Variants in SPCS3 observed in about 807,000 individuals in gnomAD.
The protein encoded by SPCS3 is SPase 22 kDa subunit.
In SPCS3, 9 loss-of-function variants were observed where a neutral mutation model predicts 17.2. The ratio of observed to expected loss-of-function variants is 0.52; its 90% CI spans 0.31 to 0.91. The LOEUF (loss-of-function observed/expected upper bound fraction) is 0.91. Ranked by LOEUF, SPCS3 falls within the 40% of genes least tolerant of loss-of-function variation. The pLI is 0.04. For synonymous variants in SPCS3, 87 were observed against 89.6 expected (o/e 0.97, Z 0.16); for missense variants, 139 against 217.5 (o/e 0.64, Z 2.27).
rs1009258825 is a variant in SPCS3 at position 176,329,601 on chromosome 4, T to C, written c.*1271T>C. 6.6e-6 allele frequency: 1 copy of C among 152,184 alleles called. No individual in the cohort carries two copies. The highest frequency in any genetic ancestry group is 1.5e-5 in the Non-Finnish European group (1 of 68,002). The allele number at this position is 152,184 out of a possible 1,614,324, so 9.4% of individuals were successfully genotyped here. ...TCTCTGAATAAATTCATTTCACTTA[T>C]ATTAAAAGCATAAGGAAATCTACAT... On this transcript the variant is annotated 3_prime_UTR_variant, in exon 5 of 5. Coordinates refer to ENST00000503362, the MANE Select transcript of SPCS3 (RefSeq NM_021928.4).
At position 176,328,327 on chromosome 4, in the gene SPCS3, T is replaced by A; in HGVS notation, c.540T>A (p.Tyr180Ter). Reference protein sequence around the residue: ...FPDTYEITKSY With the variant: ...FPDTYEITKS Reference sequence around the variant, plus strand: ...ATACATATGAAATAACGAAGAGTTATTAAATTATTCTGAATTTGAAACAAC... The same window carrying A: ...ATACATATGAAATAACGAAGAGTTAATAAATTATTCTGAATTTGAAACAAC... The change falls in exon 5 of 5, where the codon TAT becomes TAA. Residue 180 changes from tyrosine (Y) to a stop codon, truncating the protein, a stop_gained. Coordinates refer to ENST00000503362, the MANE Select transcript of SPCS3 (RefSeq NM_021928.4). LOFTEE classifies it high-confidence loss of function. 1.3e-6 allele frequency: 2 copies of A among 1,584,598 alleles called. No individual in the cohort carries two copies. The highest frequency in any genetic ancestry group is 1.7e-6 in the Non-Finnish European group (2 of 1,165,236).
rs1731573877 is a variant in SPCS3 at position 176,324,216 on chromosome 4, T to G, written c.253T>G (p.Leu85Val). Residue 85 changes from leucine (L) to valine (V), a missense_variant, in exon 3 of 5, where the codon TTG (leucine) becomes GTG (valine). Coordinates refer to ENST00000503362, the MANE Select transcript of SPCS3 (RefSeq NM_021928.4). ...TATATTTGATTGGAATGTTAAGCAG[T>G]TGTTTCTTTATTTATCAGCAGAATA... is the stretch of plus-strand genomic sequence containing the variant. The part of the protein sequence containing the change: ...ENIFDWNVKQ[L>V]FLYLSAEYST... The G allele has an allele frequency of 1.7e-6, 2 of 1,186,168 alleles. No individual in the cohort carries two copies. 73.5% of individuals were successfully genotyped at this position (1,186,168 alleles called of 1,614,324 possible).
rs1731633762 is a variant in SPCS3, at chr4:176,328,192, T to C, written c.411-6T>C. On this transcript the variant is annotated splice_polypyrimidine_tract_variant and splice_region_variant and intron_variant, in intron 4 of 4. Transcript: ENST00000503362. ...GATGACTTGTGTTTATTATATCTTT[T>C]TATAGGGGAAACAGGAATGTCACTT... 6.2e-7 allele frequency: 1 copy of C among 1,610,234 alleles called. No homozygotes were observed. The highest frequency in any genetic ancestry group is 8.5e-7 in the Non-Finnish European group (1 of 1,178,924).
Position 176,327,247 on chromosome 4 carries a change from AT to A in SPCS3, c.386del (p.Phe129SerfsTer16). 6.3e-7 allele frequency: 1 copy of A among 1,585,248 alleles called. No homozygotes were observed. Among genetic ancestry groups the A allele is most frequent in the Non-Finnish European group, 8.6e-7 (1 of 1,166,134 alleles). On this transcript the variant is annotated frameshift_variant, in exon 4 of 5. Coordinates refer to ENST00000503362, the MANE Select transcript of SPCS3 (RefSeq NM_021928.4). LOFTEE classifies it high-confidence loss of function. ...CTGCTGAAAGATATGAAAACAAAAT[AT>A]TTTTTCTTTGACGATGGAAATGGTC... ...KLLLKDMKTK[Y>X]FFFDDGNGLK...
rs1240524331 is a variant in SPCS3, at chr4:176,328,944, C to T, written c.*614C>T. The T allele has an allele frequency of 6.6e-6, 1 of 152,110 alleles. No homozygotes were observed. The highest frequency in any genetic ancestry group is 1.5e-5 in the Non-Finnish European group (1 of 67,976). The allele number at this position is 152,110 out of a possible 1,614,324, so 9.4% of individuals were successfully genotyped here. On this transcript the variant is annotated 3_prime_UTR_variant, in exon 5 of 5. Coordinates refer to ENST00000503362, the MANE Select transcript of SPCS3 (RefSeq NM_021928.4). ...ACTTTCTCCACTTAAAGACTAAATA[C>T]CTCTTTATATGATGTAAATTATTCT...
chr4:176,324,737 A>G (rs1463441113), intron 3 of SPCS3, among the ~76,000 whole-genome samples: 1 of 152,226 alleles, frequency 6.6e-6, no homozygotes, highest in South Asian at 2.1e-4. Flanking sequence ...ATCCTTTCAA[A>G]ATGGAAAAGT....
At position 176,329,478 on chromosome 4, in the gene SPCS3, C is replaced by T. The variant is rs1483943684; in HGVS notation, c.*1148C>T. On this transcript the variant is annotated 3_prime_UTR_variant, in exon 5 of 5. Coordinates refer to ENST00000503362, the MANE Select transcript of SPCS3 (RefSeq NM_021928.4). The stretch of plus-strand genomic sequence containing the variant: ...TAAAACCTTCCTGATATTTTTGTTA[C>T]CCTGGACACCCTTTCTATTCTAGAA... The T allele has an allele frequency of 2.6e-5, 4 of 152,086 alleles. No individual in the cohort carries two copies. Among genetic ancestry groups the T allele is most frequent in the African/African-American group, 7.2e-5 (3 of 41,422 alleles). 9.4% of individuals were successfully genotyped at this position (152,086 alleles called of 1,614,324 possible).
At position 176,328,234 on chromosome 4, in the gene SPCS3, C is replaced by T. The variant is rs1337273662; in HGVS notation, c.447C>T (p.Asn149=). 6 of 1,613,038 alleles carry T rather than the reference C, an allele frequency of 3.7e-6. No individual in the cohort carries two copies. Among genetic ancestry groups the T allele is most frequent in the Admixed American group, 1.7e-5 (1 of 59,860 alleles). ...NRNVTLTLSW[N]VVPNAGILPL... ...ATGTCACTTTGACCCTGTCTTGGAACGTCGTACCAAATGCTGGAATTCTAC... is the reference window on the plus strand; with the variant it reads ...ATGTCACTTTGACCCTGTCTTGGAATGTCGTACCAAATGCTGGAATTCTAC... Residue 149 remains asparagine (N), a synonymous_variant, in exon 5 of 5, where the codon AAC becomes AAT. Coordinates refer to ENST00000503362, the MANE Select transcript of SPCS3 (RefSeq NM_021928.4).
At position 176,320,057 on chromosome 4, in the gene SPCS3, A is replaced by G. The variant is rs766828785; in HGVS notation, c.-20A>G. On this transcript the variant is annotated 5_prime_UTR_variant, in exon 1 of 5. Transcript: ENST00000503362. Reference sequence around the variant, plus strand: ...GCCTGGGTGTGCGTGTGGAGTCCGGACTCGTGGGAGACGATCGCGATGAAC... The same window carrying G: ...GCCTGGGTGTGCGTGTGGAGTCCGGGCTCGTGGGAGACGATCGCGATGAAC... The G allele has an allele frequency of 3.9e-6, 6 of 1,528,622 alleles. No individual in the cohort carries two copies. In the East Asian group the frequency reaches 1.1e-4, roughly 28 times the overall value. The allele number at this position is 1,528,622 out of a possible 1,614,324, so 94.7% of individuals were successfully genotyped here.
At position 176,331,165 on chromosome 4, in the gene SPCS3, C is replaced by T. The variant is rs1731680706; in HGVS notation, c.*2835C>T. On this transcript the variant is annotated 3_prime_UTR_variant, in exon 5 of 5. Coordinates refer to ENST00000503362, the MANE Select transcript of SPCS3 (RefSeq NM_021928.4). ...TTCATCTTAGAGATGAAAAGCTGGG[C>T]TTTTTCTCTAAGATGATAATCTTAA... 6.6e-6 allele frequency: 1 copy of T among 151,870 alleles called. No homozygotes were observed. The highest frequency in any genetic ancestry group is 2.4e-5 in the African/African-American group (1 of 41,330). 9.4% of individuals were successfully genotyped at this position (151,870 alleles called of 1,614,324 possible). A position where few individuals can be genotyped will look rare whatever the true frequency, so the allele number is the denominator to read the frequency against.
intron 1 of SPCS3, 77 bp from the exon 2 acceptor site, chr4:176,322,093 T>C: frequency 1.1e-6 from 1 of 943,472 alleles, no homozygotes; most frequent in South Asian, 1.4e-5. Context: ...CACACCTGTA[T>C]TCTTTCTCTT....
chr4:176,325,904 A>G (rs1242913686), intron 3 of SPCS3, among the ~76,000 whole-genome samples: 1 of 152,098 alleles, frequency 6.6e-6, no homozygotes, highest in Non-Finnish European at 1.5e-5. Flanking sequence ...CCACCATGCT[A>G]ATAACTTTCA....
intron 4 of SPCS3, among the ~76,000 whole-genome samples, chr4:176,327,813 C>T (rs193224987): frequency 4.0e-4 from 61 of 152,314 alleles, no homozygotes; most frequent in Non-Finnish European, 6.6e-4. Context: ...ATGAAAATTT[C>T]AGAACATGAG....
At chr4:176,321,963 A>G in intron 1 of SPCS3, 2 of 411,198 alleles carry the variant, frequency 4.9e-6, no homozygotes, top group Non-Finnish European at 4.4e-6. Context: ...CTCTTGAGGT[A>G]TATGCAATTA....
rs1731660349 is a variant in SPCS3 at position 176,329,825 on chromosome 4, G to A, written c.*1495G>A. 1 of 151,988 alleles carries A rather than the reference G, an allele frequency of 6.6e-6. No individual in the cohort carries two copies. The highest frequency in any genetic ancestry group is 1.5e-5 in the Non-Finnish European group (1 of 67,962). 9.4% of individuals were successfully genotyped at this position (151,988 alleles called of 1,614,324 possible). A position where few individuals can be genotyped will look rare whatever the true frequency, so the allele number is the denominator to read the frequency against. On this transcript the variant is annotated 3_prime_UTR_variant, in exon 5 of 5. Coordinates refer to ENST00000503362, the MANE Select transcript of SPCS3 (RefSeq NM_021928.4). ...ACCAAAAAGGGCTAATATTTTCTAA[G>A]AATAGTTTAAATTACAGACATTTGT...
intron 3 of SPCS3, 112 bp downstream of exon 3, chr4:176,324,369 C>T: frequency 4.0e-6 from 2 of 498,136 alleles, no homozygotes; most frequent in African/African-American, 2.0e-5. Context: ...CCTAGCAAAA[C>T]ATCACAAGCC....
At chr4:176,321,380 T>G (rs1731535985) in intron 1 of SPCS3, 1 of 152,202 alleles carries the variant, frequency 6.6e-6, no homozygotes, top group East Asian at 1.9e-4. Context: ...AAGTAATACC[T>G]AATTTTTAGG....
chr4:176,322,128 G>T (rs760010586), intron 1 of SPCS3, 42 bp from the exon 2 acceptor site: 1 of 1,307,760 alleles, frequency 7.6e-7, no homozygotes, highest in Non-Finnish European at 1.1e-6. Context: ...AATTGTGTAT[G>T]TTCTGTTGGA....
chr4:176,323,514 T>C (rs1731564196), intron 2 of SPCS3, among the ~76,000 whole-genome samples: 1 of 152,160 alleles, frequency 6.6e-6, no homozygotes. Context: ...GAAACTCATA[T>C]AGTAAAATGA....
Sources: allele counts gnomAD v4.1 joint callset (sites outside exome capture counted in the v4.1 genomes callset), GRCh38; gene constraint gnomAD v4.1.1; transcripts MANE v1.5; gene names NCBI Gene and HGNC (gene_info 2026-07-23, HGNC 2026-07-21).